The following LRFN5 variants were observed in gnomAD, a reference collection of about 807,000 sequenced individuals.
The protein encoded by LRFN5 is leucine-rich repeat and fibronectin type-III domain-containing protein 5.
A neutral mutation model predicts 45.6 loss-of-function variants in LRFN5; 24 were observed. The observed-to-expected ratio is 0.53, with a 90% CI of 0.38 to 0.74. The LOEUF (loss-of-function observed/expected upper bound fraction) is 0.74. Among genes scored for constraint, LRFN5 ranks in the 30% least tolerant of loss-of-function variants. The probability of loss-of-function intolerance (pLI) is 0.00; values close to 1 mark genes in which losing one functional copy is unlikely to be tolerated. For missense variants in LRFN5, 776 were observed against 861.5 expected, an observed-to-expected ratio of 0.90 and a Z score of 1.24; for synonymous variants, 340 against 313.8, an observed-to-expected ratio of 1.08 and a Z score of -0.88.
At chr14:41,671,985 AAGGTCTAACCATG>A (rs1298666373) in intron 1 of LRFN5, among the ~76,000 whole-genome samples, 1 of 152,210 alleles carries the variant, frequency 6.6e-6, no homozygotes, top group African/African-American at 2.4e-5. Flanking sequence ...AACCATGTTC[AAGGTCTAACCATG>A]CTTATTTACC....
chr14:41,650,896 A>AGAGAGAGG (rs750337266), intron 1 of LRFN5, among the ~76,000 whole-genome samples: 8 of 80,848 alleles, frequency 9.9e-5, no homozygotes, highest in East Asian at 3.4e-4. Flanking sequence ...AGAGAGAGAG[A>AGAGAGAGG]GAGGGAGGGA....
intron 1 of LRFN5, among the ~76,000 whole-genome samples, chr14:41,625,772 A>C (rs1439203387): frequency 6.6e-6 from 1 of 152,164 alleles, no homozygotes; most frequent in Non-Finnish European, 1.5e-5. Context: ...CAAGGTAAAA[A>C]AAATGTCAAG....
At chr14:41,830,707 C>T (rs994445621) in intron 2 of LRFN5, among the ~76,000 whole-genome samples, 30 of 152,112 alleles carry the variant, frequency 2.0e-4, no homozygotes, top group African/African-American at 6.8e-4. Context: ...GCTGGGGATG[C>T]TGACTTGCCA....
chr14:41,768,963 G>A (rs533089077), intron 2 of LRFN5, among the ~76,000 whole-genome samples: 2 of 152,184 alleles, frequency 1.3e-5, no homozygotes, highest in South Asian at 4.1e-4. Context: ...CCAAGTTAAT[G>A]CTTGATTTGG....
At chr14:41,897,179 T>A (rs1188793582) in intron 4 of LRFN5, among the ~76,000 whole-genome samples, 1 of 151,666 alleles carries the variant, frequency 6.6e-6, no homozygotes, top group African/African-American at 2.4e-5. Context: ...TGAGCCATCC[T>A]AAAAATGTGG....
At chr14:41,675,567 C>T (rs1215445510) in intron 1 of LRFN5, among the ~76,000 whole-genome samples, 5 of 152,066 alleles carry the variant, frequency 3.3e-5, no homozygotes, top group South Asian at 4.2e-4. Context: ...AGTCCAGCTT[C>T]GGTTTGGCAT....
At chr14:41,837,105 G>A (rs1025675460) in intron 2 of LRFN5, among the ~76,000 whole-genome samples, 3 of 141,082 alleles carry the variant, frequency 2.1e-5, no homozygotes, top group East Asian at 2.3e-4. Context: ...GGTGAAAAAT[G>A]TTGAGTCCAG....
intron 2 of LRFN5, among the ~76,000 whole-genome samples, chr14:41,778,258 T>C (rs1282526783): frequency 1.3e-5 from 2 of 151,654 alleles, no homozygotes; most frequent in Non-Finnish European, 3.0e-5. Context: ...GTTTCATAAT[T>C]GGATAGAATT....
intron 1 of LRFN5, among the ~76,000 whole-genome samples, chr14:41,717,094 T>C (rs1883523979): frequency 6.6e-6 from 1 of 152,194 alleles, no homozygotes; most frequent in South Asian, 2.1e-4. Flanking sequence ...CATTTTAAAA[T>C]TTCTTTTAAC....
At chr14:41,730,989 C>G (rs898440813) in intron 1 of LRFN5, among the ~76,000 whole-genome samples, 7 of 151,930 alleles carry the variant, frequency 4.6e-5, no homozygotes, top group African/African-American at 1.7e-4. Context: ...ATTTTAGCAT[C>G]TAGATGTTCA....
rs115455949 is a variant in LRFN5, at chr14:41,646,833, T to C, written c.-197+38271T>C. 2.0e-3 allele frequency among the ~76,000 whole-genome samples: 297 copies of C among 152,258 alleles called. 3 individuals are homozygous for C. Among genetic ancestry groups the C allele is most frequent in the African/African-American group, 6.9e-3 (288 of 41,546 alleles). On this transcript the variant is annotated intron_variant, in intron 1 of 5. Coordinates refer to ENST00000298119, the MANE Select transcript of LRFN5 (RefSeq NM_152447.5). ...CAATTTCCAGAGCCACCTTTCAAAG[T>C]ACAACTATGTGTGAGAACAGTCTTC...
rs974317874 is a variant in LRFN5 at position 41,810,565 on chromosome 14, C to T, written c.-21+43536C>T. Among the ~76,000 whole-genome samples, 11 of 151,960 alleles carry T rather than the reference C, an allele frequency of 7.2e-5. No homozygotes were observed. In the East Asian group the frequency reaches 1.2e-3, roughly 16 times the overall value. ...AGGAGAATAGTTTTTCATTGACTTA[C>T]GCAATATTTACATGGCCATTAAAAA... On this transcript the variant is annotated intron_variant, in intron 2 of 5. Transcript: ENST00000298119.
intron 1 of LRFN5, among the ~76,000 whole-genome samples, chr14:41,765,833 A>T (rs1169515379): frequency 6.6e-6 from 1 of 152,146 alleles, no homozygotes; most frequent in African/African-American, 2.4e-5. Context: ...AGTATTTCTG[A>T]CCATATCAGT....
intron 2 of LRFN5, among the ~76,000 whole-genome samples, chr14:41,861,998 C>T (rs954571069): frequency 3.3e-5 from 5 of 152,052 alleles, no homozygotes; most frequent in African/African-American, 1.2e-4. Context: ...GCTGTTTTCA[C>T]GAGATCTGAT....
At position 41,887,846 on chromosome 14, in the gene LRFN5, A is replaced by T. The variant is rs372315722; in HGVS notation, c.1221A>T (p.Thr407=). ...ISTSTKSGSN[T]SSSNGDTKLS... ...CTTCTACCAAGTCAGGTTCTAATACAAGCAGTAGTAATGGTGATACTAAAT... is the reference window on the plus strand; with the variant it reads ...CTTCTACCAAGTCAGGTTCTAATACTAGCAGTAGTAATGGTGATACTAAAT... The change falls in exon 3 of 6, where the codon ACA becomes ACT. Residue 407 remains threonine (T), a synonymous_variant. Transcript: ENST00000298119. This position sits in a 1 kb window ranked among gnomAD's most constrained non-coding sequence, Gnocchi z 4.8. The T allele has an allele frequency of 1.9e-6, 3 of 1,614,088 alleles. No individual in the cohort carries two copies. Among genetic ancestry groups the T allele is most frequent in the Non-Finnish European group, 1.7e-6 (2 of 1,180,016 alleles).
In LRFN5 at chr14:41,891,447, C is replaced by A. The variant is rs1184494599; in HGVS notation, c.1583C>A (p.Thr528Asn). Residue 528 changes from threonine (T) to asparagine (N), a missense_variant, in exon 4 of 6, where the codon ACC becomes AAC. This residue lies in a region of LRFN5 where 465 missense variants were observed against 456.4 expected (regional missense o/e 1.02). Transcript: ENST00000298119. Reference protein sequence around the residue: ...HFMQSQFLGGTMIIIIGGIIV... With the variant: ...HFMQSQFLGGNMIIIIGGIIV... ...ATGCAGTCTCAGTTTTTGGGAGGCACCATGATTATTATTATTGGTGGAATC... is the reference window on the plus strand; with the variant it reads ...ATGCAGTCTCAGTTTTTGGGAGGCAACATGATTATTATTATTGGTGGAATC... 2 of 1,614,030 alleles carry A rather than the reference C, an allele frequency of 1.2e-6. No individual in the cohort carries two copies. The highest frequency in any genetic ancestry group is 1.7e-6 in the Non-Finnish European group (2 of 1,179,998).
intron 2 of LRFN5, among the ~76,000 whole-genome samples, chr14:41,786,430 C>T (rs1196480225): frequency 6.6e-6 from 1 of 151,700 alleles, no homozygotes; most frequent in Non-Finnish European, 1.5e-5. Flanking sequence ...TGTCTTTCAA[C>T]TCTCTTCTTT....
Position 41,607,422 on chromosome 14 carries a change from T to A in LRFN5, c.-1337T>A, listed in dbSNP as rs1171312688. 5 of 152,462 alleles carry A rather than the reference T, an allele frequency of 3.3e-5. No homozygotes were observed. Among genetic ancestry groups the A allele is most frequent in the Admixed American group, 3.3e-4 (5 of 15,294 alleles). 9.4% of individuals were successfully genotyped at this position (152,462 alleles called of 1,614,324 possible). A position where few individuals can be genotyped will look rare whatever the true frequency, so the allele number is the denominator to read the frequency against. The stretch of plus-strand genomic sequence containing the variant: ...CTTGAGAAGACTTTGATAACCTCCC[T>A]GCTGGCCCTTCTGTGTTCCGGAAAG... On this transcript the variant is annotated 5_prime_UTR_variant, in exon 1 of 6. Transcript: ENST00000298119.
At chr14:41,717,863 A>G (rs757447421) in intron 1 of LRFN5, among the ~76,000 whole-genome samples, 5 of 152,150 alleles carry the variant, frequency 3.3e-5, no homozygotes, top group Non-Finnish European at 7.3e-5. Flanking sequence ...TATTTTAGAA[A>G]AGGGTGGTAG....
Sources: gnomAD v4.1 joint callset for allele counts (sites outside exome capture counted in the v4.1 genomes callset) on GRCh38, gnomAD v4.1.1 for gene constraint, gnomAD v4.1.1 regional missense constraint, Gnocchi (gnomAD v3.1) non-coding constraint, MANE v1.5 for transcripts, NCBI Gene and HGNC (gene_info 2026-07-23, HGNC 2026-07-21) for gene names.